Variants in DNAJC1 observed in about 807,000 individuals in gnomAD.
DNAJC1 encodes dnaJ homolog subfamily C member 1.
In DNAJC1, 58 loss-of-function variants were observed where a neutral mutation model predicts 76.6. The observed-to-expected ratio is 0.76, with a 90% CI of 0.61 to 0.94. DNAJC1 has a LOEUF of 0.94. Among genes scored for constraint, DNAJC1 ranks in the 40% least tolerant of loss-of-function variants. The probability of loss-of-function intolerance (pLI) is 0.00; values close to 1 mark genes in which losing one functional copy is unlikely to be tolerated. For missense variants in DNAJC1, 689 were observed against 677.3 expected (o/e 1.02, Z -0.19); for synonymous variants, 258 against 267.9 (o/e 0.96, Z 0.36).
At chr10:21,885,521 A>G (rs1217903208) in intron 7 of DNAJC1, among the ~76,000 whole-genome samples, 3 of 152,192 alleles carry the variant, frequency 2.0e-5, no homozygotes, top group Non-Finnish European at 2.9e-5. Flanking sequence ...TTCTACCCCC[A>G]AACAACAGAA....
intron 6 of DNAJC1, among the ~76,000 whole-genome samples, chr10:21,911,222 G>C (rs76611403): frequency 2.0e-5 from 3 of 151,900 alleles, no homozygotes; most frequent in Non-Finnish European, 1.5e-5. Flanking sequence ...ACAATATAGA[G>C]GATGTTCTAT....
intron 9 of DNAJC1, among the ~76,000 whole-genome samples, chr10:21,767,125 T>A (rs886599212): frequency 2.5e-4 from 38 of 152,100 alleles, no homozygotes; most frequent in African/African-American, 8.5e-4. Flanking sequence ...ATGCTAATAG[T>A]GTTATAAGAT....
chr10:21,914,657 G>A (rs187022304), intron 6 of DNAJC1, among the ~76,000 whole-genome samples: 55 of 152,288 alleles, frequency 3.6e-4, no homozygotes, highest in Non-Finnish European at 6.8e-4. Context: ...AGTCTGAGAA[G>A]ACAGTAATGG....
At position 21,881,882 on chromosome 10, in the gene DNAJC1, C is replaced by T. The variant is rs373457870; in HGVS notation, c.978+400G>A. On this transcript the variant is annotated intron_variant, in intron 8 of 11. Coordinates refer to ENST00000376980, the MANE Select transcript of DNAJC1 (RefSeq NM_022365.4). The stretch of plus-strand genomic sequence containing the variant: ...AAAAAAAAAAAAAACCGGCCAGGCA[C>T]GGTGGCTCACACCTGTAATCCCAGC... 2.4e-4 allele frequency among the ~76,000 whole-genome samples: 36 copies of T among 147,870 alleles called. 3 individuals are homozygous for T. Among genetic ancestry groups the T allele is most frequent in the African/African-American group, 8.0e-4 (32 of 39,956 alleles).
intron 7 of DNAJC1, among the ~76,000 whole-genome samples, chr10:21,896,384 T>A (rs929746375): frequency 2.0e-5 from 3 of 152,246 alleles, no homozygotes; most frequent in Non-Finnish European, 4.4e-5. Flanking sequence ...TTCTCAGGCC[T>A]CAAAAATTAA....
intron 6 of DNAJC1, among the ~76,000 whole-genome samples, chr10:21,917,120 A>C (rs970518457): frequency 6.6e-6 from 1 of 152,104 alleles, no homozygotes; most frequent in Non-Finnish European, 1.5e-5. Flanking sequence ...ATTCAAAGTG[A>C]TCAGTTAAAA....
chr10:21,882,840 C>A (rs1234863038), intron 7 of DNAJC1, among the ~76,000 whole-genome samples: 1 of 152,050 alleles, frequency 6.6e-6, no homozygotes, highest in African/African-American at 2.4e-5. Flanking sequence ...TAAAAAAAAC[C>A]TGGCTCTCAC....
chr10:21,928,220 T>A (rs1376308833), intron 3 of DNAJC1, among the ~76,000 whole-genome samples: 1 of 152,136 alleles, frequency 6.6e-6, no homozygotes, highest in Non-Finnish European at 1.5e-5. Flanking sequence ...AGTATTTGTA[T>A]CTCCCAGGGC....
chr10:21,832,171 G>A (rs1835368079), intron 8 of DNAJC1, among the ~76,000 whole-genome samples: 2 of 152,124 alleles, frequency 1.3e-5, no homozygotes, highest in African/African-American at 4.8e-5. Flanking sequence ...CTGACGTTTT[G>A]CCATATTTGT....
intron 9 of DNAJC1, among the ~76,000 whole-genome samples, chr10:21,770,350 G>T (rs1246743807): frequency 5.3e-5 from 8 of 150,098 alleles, no homozygotes; most frequent in African/African-American, 1.7e-4. Context: ...GCTTATGTGG[G>T]TCATTTAACT....
chr10:21,815,384 A>T (rs1402746974), intron 8 of DNAJC1, among the ~76,000 whole-genome samples: 2 of 152,158 alleles, frequency 1.3e-5, no homozygotes, highest in Non-Finnish European at 2.9e-5. Context: ...GAATCTGTAC[A>T]ATCGCTAATG....
chr10:21,961,432 G>T (rs927525548), intron 1 of DNAJC1, among the ~76,000 whole-genome samples: 5 of 152,174 alleles, frequency 3.3e-5, no homozygotes, highest in Non-Finnish European at 7.4e-5. Flanking sequence ...CAGCAAAGAT[G>T]AACCTTGAAA....
intron 1 of DNAJC1, among the ~76,000 whole-genome samples, chr10:21,944,471 T>G (rs533436546): frequency 6.4e-4 from 98 of 152,266 alleles, no homozygotes; most frequent in African/African-American, 2.2e-3. Context: ...TTCTTTCCAT[T>G]TATATATTGT....
chr10:21,837,679 C>T (rs1384125935), intron 8 of DNAJC1, among the ~76,000 whole-genome samples: 10 of 151,146 alleles, frequency 6.6e-5, no homozygotes, highest in Middle Eastern at 3.5e-3. Flanking sequence ...GCCCGGCAGC[C>T]GCCCCGTCTG....
chr10:21,987,101 AAGCCAAAT>A (rs1246824343), intron 1 of DNAJC1, among the ~76,000 whole-genome samples: 4 of 152,148 alleles, frequency 2.6e-5, no homozygotes, highest in Non-Finnish European at 5.9e-5. Context: ...ATCAATTCGG[AAGCCAAAT>A]TTCTGATAGT....
intron 9 of DNAJC1, among the ~76,000 whole-genome samples, chr10:21,798,487 T>C (rs1371644413): frequency 6.6e-6 from 1 of 152,208 alleles, no homozygotes; most frequent in East Asian, 1.9e-4. Flanking sequence ...CTTAGCCATA[T>C]GGACCTCCTT....
intron 8 of DNAJC1, among the ~76,000 whole-genome samples, chr10:21,808,811 C>T (rs1334829821): frequency 6.6e-6 from 1 of 152,160 alleles, no homozygotes; most frequent in African/African-American, 2.4e-5. Flanking sequence ...TACCGAAACA[C>T]CGGGCCAAAT....
At chr10:21,797,929 CTATA>C (rs1834766859) in intron 9 of DNAJC1, among the ~76,000 whole-genome samples, 1 of 152,030 alleles carries the variant, frequency 6.6e-6, no homozygotes, top group Admixed American at 6.6e-5. Context: ...TGAGGTAGGC[CTATA>C]TATACTGTCA....
chr10:21,922,393 A>T (rs1268162997), intron 3 of DNAJC1, among the ~76,000 whole-genome samples: 1 of 152,018 alleles, frequency 6.6e-6, no homozygotes, highest in African/African-American at 2.4e-5. Flanking sequence ...TAATAACAAT[A>T]TCATCAAATT....
Sources: gnomAD v4.1 joint callset for allele counts (sites outside exome capture counted in the v4.1 genomes callset) on GRCh38, gnomAD v4.1.1 for gene constraint, MANE v1.5 for transcripts, NCBI Gene and HGNC (gene_info 2026-07-23, HGNC 2026-07-21) for gene names.